Variants in PRKG1 observed in about 807,000 individuals in gnomAD.
PRKG1 encodes cGMP-dependent protein kinase 1.
PRKG1 carries 35 observed loss-of-function variants against 88.1 expected under a neutral mutation model. The ratio of observed to expected loss-of-function variants is 0.40; its 90% CI spans 0.30 to 0.53. PRKG1 has a LOEUF of 0.53. Among genes scored for constraint, PRKG1 ranks in the 20% least tolerant of loss-of-function variants. PRKG1 has a pLI of 0.59. For synonymous variants in PRKG1, 303 were observed against 292.5 expected, an observed-to-expected ratio of 1.04 and a Z score of -0.37; for missense variants, 540 against 839.8, an observed-to-expected ratio of 0.64 and a Z score of 4.41.
rs373057468 is a variant in PRKG1 at position 51,040,232 on chromosome 10, TTGTGTGTGTGTGTGTG to T, written c.266+48613_266+48628del. On this transcript the variant is annotated intron_variant, in intron 1 of 17. Transcript: ENST00000401604. ...AACACAGAATATCTTTCCATTCCAT[TTGTGTGTGTGTGTGTG>T]TGTGTGTGTGTGTGTGTGTGTGTGA... Among the ~76,000 whole-genome samples, 5 of 117,842 alleles carry T rather than the reference TTGTGTGTGTGTGTGTG, an allele frequency of 4.2e-5. No homozygotes were observed. In the South Asian group the frequency reaches 1.0e-3, roughly 24 times the overall value. The allele number at this position is 117,842 out of a possible 152,430, so 77.3% of individuals were successfully genotyped here. A position where few individuals can be genotyped will look rare whatever the true frequency, so the allele number is the denominator to read the frequency against.
At chr10:52,247,720 TATTA>T (rs1841061846) in intron 9 of PRKG1, among the ~76,000 whole-genome samples, 1 of 152,166 alleles carries the variant, frequency 6.6e-6, no homozygotes, top group South Asian at 2.1e-4. Context: ...TTAAAACAAC[TATTA>T]ATTCAAAAAG....
At chr10:50,996,663 A>G (rs921200374) in intron 1 of PRKG1, among the ~76,000 whole-genome samples, 7 of 152,196 alleles carry the variant, frequency 4.6e-5, no homozygotes, top group Non-Finnish European at 1.0e-4. Flanking sequence ...GGCATATGAT[A>G]ATACAGTTAT....
At chr10:52,277,183 T>G (rs1841892226) in intron 12 of PRKG1, among the ~76,000 whole-genome samples, 1 of 152,090 alleles carries the variant, frequency 6.6e-6, no homozygotes. Context: ...AGGGAGAGCT[T>G]TGATTGGCAG....
At chr10:51,692,776 AT>A (rs906256417) in intron 3 of PRKG1, among the ~76,000 whole-genome samples, 1 of 152,120 alleles carries the variant, frequency 6.6e-6, no homozygotes, top group African/African-American at 2.4e-5. Flanking sequence ...CGTCAGATAT[AT>A]TTTTTTAAAT....
chr10:51,969,979 C>G (rs1227276438), intron 5 of PRKG1, among the ~76,000 whole-genome samples: 1 of 148,272 alleles, frequency 6.7e-6, no homozygotes, highest in African/African-American at 2.5e-5. Context: ...ACTCTGTTTG[C>G]TTTATTTGCC....
At chr10:51,424,414 T>A (rs953172863) in intron 2 of PRKG1, among the ~76,000 whole-genome samples, 4 of 152,132 alleles carry the variant, frequency 2.6e-5, no homozygotes, top group Admixed American at 2.6e-4. Flanking sequence ...TTTCAAGAAC[T>A]TTTTAGATTT....
At chr10:51,385,790 T>C (rs773506619) in intron 2 of PRKG1, among the ~76,000 whole-genome samples, 7 of 152,214 alleles carry the variant, frequency 4.6e-5, no homozygotes, top group Admixed American at 2.6e-4. Flanking sequence ...TTTCTTCTAC[T>C]ATATTTCTTT....
chr10:52,256,775 A>G (rs1214007732), intron 10 of PRKG1, among the ~76,000 whole-genome samples: 1 of 139,674 alleles, frequency 7.2e-6, no homozygotes, highest in Admixed American at 7.5e-5. Context: ...TATAAGTAAG[A>G]GCCAGAGGTC....
rs549931412 is a variant in PRKG1, at chr10:51,013,092, G to A, written c.266+21448G>A. Among the ~76,000 whole-genome samples, 11 of 152,346 alleles carry A rather than the reference G, an allele frequency of 7.2e-5. No homozygotes were observed. The South Asian group carries it at 1.2e-3, about 17-fold the overall frequency. ...GAAGTATAGAAGGTCCAGCTCATCCGAAGGTAGTAAAGGTTAGAGGTTAAG... is the reference window on the plus strand; with the variant it reads ...GAAGTATAGAAGGTCCAGCTCATCCAAAGGTAGTAAAGGTTAGAGGTTAAG... On this transcript the variant is annotated intron_variant, in intron 1 of 17. Coordinates refer to the PRKG1 transcript ENST00000401604.
At chr10:51,046,056 C>T (rs975342623) in intron 1 of PRKG1, among the ~76,000 whole-genome samples, 4 of 152,216 alleles carry the variant, frequency 2.6e-5, no homozygotes, top group Non-Finnish European at 4.4e-5. Context: ...TAGATAGCGC[C>T]AGGGTCTACA....
In PRKG1 at chr10:51,181,224, A is replaced by ATTTTTTTTTTTTTTTTTTT. The variant is rs1223588085; in HGVS notation, c.478+27904_478+27922dup. On this transcript the variant is annotated intron_variant, in intron 2 of 17. Coordinates refer to ENST00000373980, the MANE Select transcript of PRKG1 (RefSeq NM_006258.4). ...AAGCTGACCAAGATTATTATATAGAATTTTTTTTTTTTTTTTTTTTTTTTT... is the reference window on the plus strand; with the variant it reads ...AAGCTGACCAAGATTATTATATAGAATTTTTTTTTTTTTTTTTTTTTTTTTTTTTTTTTTTTTTTTTTTT... 1.3e-4 allele frequency among the ~76,000 whole-genome samples: 10 copies of ATTTTTTTTTTTTTTTTTTT among 78,288 alleles called. 3 individuals carry two copies. Among genetic ancestry groups the ATTTTTTTTTTTTTTTTTTT allele is most frequent in the South Asian group, 5.1e-4 (1 of 1,942 alleles). 51.4% of individuals were successfully genotyped at this position (78,288 alleles called of 152,430 possible).
chr10:52,009,810 G>A (rs919604327), intron 5 of PRKG1, among the ~76,000 whole-genome samples: 1 of 152,100 alleles, frequency 6.6e-6, no homozygotes, highest in East Asian at 1.9e-4. Context: ...CATAGTACTG[G>A]TTCATAAACA....
At chr10:51,498,223 CTAATTAT>C (rs1274656362) in intron 3 of PRKG1, among the ~76,000 whole-genome samples, 1 of 152,092 alleles carries the variant, frequency 6.6e-6, no homozygotes, top group African/African-American at 2.4e-5. Context: ...AGCTCAAAGT[CTAATTAT>C]TTAGCAACTT....
At chr10:52,048,778 T>A (rs549018267) in intron 5 of PRKG1, among the ~76,000 whole-genome samples, 2 of 149,022 alleles carry the variant, frequency 1.3e-5, no homozygotes, top group African/African-American at 4.9e-5. Context: ...ATTGCTTAAT[T>A]TAGACGTGCT....
intron 7 of PRKG1, among the ~76,000 whole-genome samples, chr10:52,127,269 A>G (rs16927026): frequency 0.15 from 23,488 of 152,212 alleles, 2,684 homozygotes; most frequent in African/African-American, 0.31. Flanking sequence ...TAGGGAACCC[A>G]AGGAAAACAG....
intron 3 of PRKG1, among the ~76,000 whole-genome samples, chr10:51,496,509 T>G (rs1203913671): frequency 1.3e-5 from 2 of 152,110 alleles, no homozygotes; most frequent in African/African-American, 4.8e-5. Context: ...CCCTGTTTTG[T>G]TAATGGAAAT....
At chr10:51,487,983 C>T (rs1243724211) in intron 3 of PRKG1, among the ~76,000 whole-genome samples, 5 of 152,138 alleles carry the variant, frequency 3.3e-5, no homozygotes. Flanking sequence ...ATTCTACCAC[C>T]ATTTATTGAG....
At chr10:52,200,001 C>T (rs1000870714) in intron 9 of PRKG1, among the ~76,000 whole-genome samples, 2 of 151,932 alleles carry the variant, frequency 1.3e-5, no homozygotes, top group African/African-American at 4.8e-5. Context: ...TCATTTAATC[C>T]CTTGAGTTAG....
chr10:51,126,272 ATTATTTATATATTTATATAT>A (rs1564610473), intron 1 of PRKG1, among the ~76,000 whole-genome samples: 10 of 110,724 alleles, frequency 9.0e-5, no homozygotes, highest in African/African-American at 4.1e-4. Flanking sequence ...TTTATTTATA[ATTATTTATATATTTATATAT>A]AAATATTTAT....
Sources: gnomAD v4.1 joint callset for allele counts (sites outside exome capture counted in the v4.1 genomes callset) on GRCh38, gnomAD v4.1.1 for gene constraint, MANE v1.5 for transcripts, NCBI Gene and HGNC (gene_info 2026-07-23, HGNC 2026-07-21) for gene names.